MKLN1: variants seen among roughly 807,000 people sequenced by gnomAD.
The protein encoded by MKLN1 is muskelin.
Under a neutral mutation model 99.0 loss-of-function variants are expected in MKLN1, and 18 were observed. The ratio of observed to expected loss-of-function variants is 0.18; its 90% CI spans 0.13 to 0.27. The LOEUF (loss-of-function observed/expected upper bound fraction) is 0.27. Among genes scored for constraint, MKLN1 ranks in the 10% least tolerant of loss-of-function variants. The probability of loss-of-function intolerance (pLI) is 1.00; values close to 1 mark genes in which losing one functional copy is unlikely to be tolerated. For synonymous variants in MKLN1, 288 were observed against 293.2 expected, an observed-to-expected ratio of 0.98 and a Z score of 0.18; for missense variants, 621 against 875.9, an observed-to-expected ratio of 0.71 and a Z score of 3.67.
intron 1 of MKLN1, among the ~76,000 whole-genome samples, chr7:131,125,487 A>G (rs1795439426): frequency 6.6e-6 from 1 of 152,168 alleles, no homozygotes. Context: ...CTGGCCAGGA[A>G]CTAGGAAATA....
chr7:131,271,738 A>G (rs1584881409), intron 3 of MKLN1, among the ~76,000 whole-genome samples: 1 of 151,404 alleles, frequency 6.6e-6, no homozygotes, highest in South Asian at 2.1e-4. Context: ...GTGAAACCCC[A>G]TCTCTACTAA....
intron 3 of MKLN1, among the ~76,000 whole-genome samples, chr7:131,212,801 T>C (rs1796925165): frequency 1.3e-5 from 2 of 151,844 alleles, no homozygotes. Flanking sequence ...TGCATGCCTG[T>C]AATCCCAGCT....
chr7:131,437,203 T>C (rs1425475609), intron 9 of MKLN1, among the ~76,000 whole-genome samples: 3 of 152,266 alleles, frequency 2.0e-5, no homozygotes, highest in South Asian at 4.1e-4. Context: ...TAGGTATTTC[T>C]CCTAATGCTA....
At chr7:131,283,388 CCTTCCTTCCTTCCTCT>C (rs1289709800) in intron 3 of MKLN1, among the ~76,000 whole-genome samples, 3,776 of 108,416 alleles carry the variant, frequency 0.035, 131 homozygotes, top group East Asian at 0.12. Flanking sequence ...TTCCTTCCTT[CCTTCCTTCCTTCCTCT>C]CTCTCTCTTT....
At chr7:131,427,993 G>A (rs1186656776) in intron 8 of MKLN1, among the ~76,000 whole-genome samples, 1 of 151,914 alleles carries the variant, frequency 6.6e-6, no homozygotes, top group Non-Finnish European at 1.5e-5. Flanking sequence ...GTGAGCCCCT[G>A]TCTGTAACCC....
At chr7:131,158,180 C>G (rs753594484) in intron 2 of MKLN1, among the ~76,000 whole-genome samples, 4 of 152,202 alleles carry the variant, frequency 2.6e-5, no homozygotes, top group Non-Finnish European at 5.9e-5. Flanking sequence ...GCGCTCAAGC[C>G]TGTAATCCCA....
intron 9 of MKLN1, among the ~76,000 whole-genome samples, chr7:131,432,671 C>G (rs957898819): frequency 5.9e-5 from 9 of 152,188 alleles, no homozygotes; most frequent in African/African-American, 2.2e-4. Context: ...TGGTCTCGAT[C>G]TCTTGACCTC....
At chr7:131,415,568 C>A (rs1388330628) in intron 8 of MKLN1, among the ~76,000 whole-genome samples, 1 of 151,930 alleles carries the variant, frequency 6.6e-6, no homozygotes, top group Non-Finnish European at 1.5e-5. Context: ...CTATGATAAC[C>A]TCTGAACTGG....
intron 12 of MKLN1, among the ~76,000 whole-genome samples, chr7:131,459,740 T>A (rs191702767): frequency 1.9e-4 from 29 of 150,292 alleles, no homozygotes; most frequent in Middle Eastern, 3.4e-3. Flanking sequence ...GCCATCTTTT[T>A]AAAAAAAAAA....
intron 1 of MKLN1, among the ~76,000 whole-genome samples, chr7:131,370,328 T>G (rs1441799803): frequency 6.6e-6 from 1 of 152,128 alleles, no homozygotes; most frequent in African/African-American, 2.4e-5. Flanking sequence ...GTTTTTTTCC[T>G]ATTCCAGTCC....
chr7:131,280,162 A>C (rs575726486), intron 3 of MKLN1, among the ~76,000 whole-genome samples: 2 of 152,340 alleles, frequency 1.3e-5, no homozygotes, highest in South Asian at 4.1e-4. Context: ...CTGGCTGAAA[A>C]GATTCCATTG....
intron 8 of MKLN1, among the ~76,000 whole-genome samples, chr7:131,414,914 A>G (rs868342601): frequency 1.3e-5 from 2 of 152,002 alleles, no homozygotes; most frequent in Non-Finnish European, 2.9e-5. Context: ...TTGTATTTTC[A>G]TGGAAAACTG....
At chr7:131,282,349 C>CAAAAAA (rs1001483569) in intron 3 of MKLN1, among the ~76,000 whole-genome samples, 2 of 65,630 alleles carry the variant, frequency 3.0e-5, no homozygotes, top group African/African-American at 4.9e-5. Context: ...AACTCCGTCT[C>CAAAAAA]AAAAAAAAAA....
rs184000915 is a variant in MKLN1, at chr7:131,183,248, T to C, written c.-296-19609T>C. On this transcript the variant is annotated intron_variant, in intron 2 of 7. Coordinates refer to the MKLN1 transcript ENST00000416992. ...CAAAATACTTTCACAGACATTATCT[T>C]ATTTGATCCTCCCAACAACCGGTAA... 4.6e-5 allele frequency among the ~76,000 whole-genome samples: 7 copies of C among 152,340 alleles called. No homozygotes were observed. The East Asian group carries it at 9.6e-4, about 21-fold the overall frequency.
intron 3 of MKLN1, among the ~76,000 whole-genome samples, chr7:131,288,891 T>C (rs1798172993): frequency 2.0e-5 from 3 of 152,236 alleles, no homozygotes; most frequent in African/African-American, 7.2e-5. Flanking sequence ...ACTCTCTCTT[T>C]GTATTTCATA....
At chr7:131,331,163 C>G (rs1221603537) in intron 1 of MKLN1, among the ~76,000 whole-genome samples, 4 of 152,196 alleles carry the variant, frequency 2.6e-5, no homozygotes, top group East Asian at 3.9e-4. Context: ...ATTCTTGGTA[C>G]ATACCTGTAA....
At chr7:131,230,346 G>A (rs1487487694) in intron 3 of MKLN1, among the ~76,000 whole-genome samples, 1 of 152,004 alleles carries the variant, frequency 6.6e-6, no homozygotes, top group African/African-American at 2.4e-5. Flanking sequence ...GCCAAAAGGG[G>A]GTCTGTTTAG....
intron 9 of MKLN1, among the ~76,000 whole-genome samples, chr7:131,435,547 AT>A (rs1187339819): frequency 6.7e-6 from 1 of 149,792 alleles, no homozygotes; most frequent in East Asian, 2.0e-4. Flanking sequence ...CAGTGTAGAT[AT>A]GTGGGCAATT....
chr7:131,155,267 A>G (rs938397723), intron 2 of MKLN1, among the ~76,000 whole-genome samples: 4 of 152,186 alleles, frequency 2.6e-5, no homozygotes, highest in African/African-American at 9.6e-5. Context: ...TTCATCACCA[A>G]GCTATTCTGC....
Sources: gnomAD v4.1 joint callset for allele counts (sites outside exome capture counted in the v4.1 genomes callset) on GRCh38, gnomAD v4.1.1 for gene constraint, MANE v1.5 for transcripts, NCBI Gene and HGNC (gene_info 2026-07-23, HGNC 2026-07-21) for gene names.